The following ASB4 variants were observed in gnomAD, a reference collection of about 807,000 sequenced individuals.
The protein encoded by ASB4 is ankyrin repeat and SOCS box protein 4.
In ASB4, 35 loss-of-function variants were observed where a neutral mutation model predicts 38.6. The observed-to-expected ratio is 0.91, with a 90% CI of 0.69 to 1.20. The LOEUF is 1.20. Ranked by LOEUF, ASB4 falls within the 50% of genes most tolerant of loss-of-function variation. The pLI is 0.00. For missense variants in ASB4, 557 were observed against 527.2 expected (o/e 1.06, Z -0.55); for synonymous variants, 195 against 201.3 (o/e 0.97, Z 0.26).
intron 1 of ASB4, among the ~76,000 whole-genome samples, chr7:95,493,689 C>A (rs1042069079): frequency 6.6e-6 from 1 of 152,012 alleles, no homozygotes; most frequent in Non-Finnish European, 1.5e-5. Flanking sequence ...CCTGATCCCC[C>A]AACCCCCCAG....
intron 2 of ASB4, among the ~76,000 whole-genome samples, chr7:95,507,739 C>T (rs1279680927): frequency 6.6e-6 from 1 of 152,130 alleles, no homozygotes; most frequent in African/African-American, 2.4e-5. Flanking sequence ...ATTTCATGAT[C>T]ATTACCAGTA....
chr7:95,482,973 C>T (rs1048311522), upstream of ASB4, among the ~76,000 whole-genome samples: 1 of 152,178 alleles, frequency 6.6e-6, no homozygotes, highest in African/African-American at 2.4e-5. Context: ...AACTCCATTC[C>T]TTAGCTTAGG....
At chr7:95,504,154 G>GT (rs1243512741) in intron 2 of ASB4, among the ~76,000 whole-genome samples, 5 of 152,076 alleles carry the variant, frequency 3.3e-5, no homozygotes, top group Admixed American at 2.0e-4. Context: ...TATTCCATTC[G>GT]TAAGAGGAAA....
downstream of ASB4, among the ~76,000 whole-genome samples, chr7:95,541,680 C>T (rs925339900): frequency 5.3e-5 from 8 of 152,060 alleles, no homozygotes; most frequent in Non-Finnish European, 1.0e-4. Context: ...AAAATAGACG[C>T]AATGATCTAT....
At chr7:95,531,283 G>A (rs1456694536) in intron 3 of ASB4, among the ~76,000 whole-genome samples, 1 of 152,024 alleles carries the variant, frequency 6.6e-6, no homozygotes, top group Non-Finnish European at 1.5e-5. Context: ...ATCTTGCTAA[G>A]GGCTGGTCAT....
At chr7:95,490,393 T>C (rs983007806) in intron 1 of ASB4, among the ~76,000 whole-genome samples, 2 of 152,168 alleles carry the variant, frequency 1.3e-5, no homozygotes, top group African/African-American at 4.8e-5. Context: ...CTTGCTTTTA[T>C]CCCCCCTTCC....
At chr7:95,515,192 T>C (rs1282629904) in intron 2 of ASB4, among the ~76,000 whole-genome samples, 3 of 125,798 alleles carry the variant, frequency 2.4e-5, no homozygotes, top group Non-Finnish European at 4.8e-5. Flanking sequence ...TTTCTTTCTT[T>C]CTTTCTTTCT....
At chr7:95,544,382 G>A (rs183589421), downstream of ASB4, 1 of 152,114 alleles carries the variant, frequency 6.6e-6, no homozygotes, top group African/African-American at 2.4e-5. Flanking sequence ...ACAACAAAAG[G>A]TCTCTTAGGA....
At chr7:95,519,266 T>A (rs1790627375) in intron 2 of ASB4, among the ~76,000 whole-genome samples, 1 of 152,126 alleles carries the variant, frequency 6.6e-6, no homozygotes, top group Admixed American at 6.5e-5. Context: ...ATTGCATCCT[T>A]GACAAAGAAG....
chr7:95,494,914 C>T (rs1039394244), intron 1 of ASB4, among the ~76,000 whole-genome samples: 6 of 152,196 alleles, frequency 3.9e-5, no homozygotes, highest in Admixed American at 2.0e-4. Context: ...ATCTATGCTT[C>T]CCCTGCCCAA....
chr7:95,493,720 T>C (rs919293297), intron 1 of ASB4, among the ~76,000 whole-genome samples: 4 of 152,120 alleles, frequency 2.6e-5, no homozygotes, highest in Non-Finnish European at 4.4e-5. Flanking sequence ...AGGCCACCAC[T>C]ATAACCAGTT....
In ASB4 at chr7:95,527,994, G is replaced by T; in HGVS notation, c.669G>T (p.Lys223Asn). Reference sequence around the variant, plus strand: ...CCGCCTACTGGGCCCTCCGCTTTAAGGAGCAGGAGTACAGCACGGAGCACC... The same window carrying T: ...CCGCCTACTGGGCCCTCCGCTTTAATGAGCAGGAGTACAGCACGGAGCACC... Reference protein sequence around the residue: ...AIAAYWALRFKEQEYSTEHHL... With the variant: ...AIAAYWALRFNEQEYSTEHHL... The change falls in exon 3 of 5, where the codon AAG (lysine) becomes AAT (asparagine). Residue 223 changes from lysine to asparagine, a missense_variant. Lys to Asn is a moderately conservative substitution (Grantham distance 94). Coordinates refer to ENST00000325885, the MANE Select transcript of ASB4 (RefSeq NM_016116.3). 1 of 1,614,132 alleles carries T rather than the reference G, an allele frequency of 6.2e-7. No homozygotes were observed.
chr7:95,534,120 G>A (rs910982215), intron 3 of ASB4, among the ~76,000 whole-genome samples: 1 of 152,090 alleles, frequency 6.6e-6, no homozygotes, highest in Non-Finnish European at 1.5e-5. Flanking sequence ...CTAGGCGGGC[G>A]GATTACTGGA....
intron 2 of ASB4, among the ~76,000 whole-genome samples, chr7:95,508,786 T>C (rs1289595644): frequency 6.6e-6 from 1 of 151,906 alleles, no homozygotes; most frequent in Non-Finnish European, 1.5e-5. Context: ...CTAAGCTGGA[T>C]AGAGAAGGAG....
chr7:95,507,234 A>T (rs1431150482), intron 2 of ASB4, among the ~76,000 whole-genome samples: 1 of 151,732 alleles, frequency 6.6e-6, no homozygotes, highest in Non-Finnish European at 1.5e-5. Flanking sequence ...TTTCCTTGAG[A>T]TTGGTCAGAT....
intron 1 of ASB4, among the ~76,000 whole-genome samples, chr7:95,486,366 T>G (rs193104226): frequency 6.6e-6 from 1 of 151,866 alleles, no homozygotes; most frequent in Admixed American, 6.5e-5. Context: ...CCTTTTCTTT[T>G]CCCACCCTTG....
intron 1 of ASB4, among the ~76,000 whole-genome samples, chr7:95,490,626 T>A (rs2116580510): frequency 6.6e-6 from 1 of 152,360 alleles, no homozygotes; most frequent in African/African-American, 2.4e-5. Flanking sequence ...TTGATAACTG[T>A]TGCAGAGCCC....
rs1284116724 is a variant in ASB4, at chr7:95,539,921, A to T, written c.*2162A>T. ...GTAATAATTAACAAAGTAAAACAAG[A>T]TCACACCCTGGAACAATTGGAGGAT... On this transcript the variant is annotated 3_prime_UTR_variant, in exon 5 of 5. Transcript: ENST00000325885. The T allele has an allele frequency of 6.6e-6, 1 of 152,154 alleles. No individual in the cohort carries two copies. The highest frequency in any genetic ancestry group is 1.5e-5 in the Non-Finnish European group (1 of 68,030). The allele number at this position is 152,154 out of a possible 1,614,324, so 9.4% of individuals were successfully genotyped here.
At chr7:95,515,159 T>TCTC (rs1562816842) in intron 2 of ASB4, among the ~76,000 whole-genome samples, 2 of 95,928 alleles carry the variant, frequency 2.1e-5, no homozygotes, top group African/African-American at 9.0e-5. Context: ...CTTTCTTTCT[T>TCTC]TCTCTTTCTC....
Sources: allele counts gnomAD v4.1 joint callset (sites outside exome capture counted in the v4.1 genomes callset), GRCh38; gene constraint gnomAD v4.1.1; transcripts MANE v1.5; gene names NCBI Gene and HGNC (gene_info 2026-07-23, HGNC 2026-07-21).